The following CLCN7 variants were observed in gnomAD, a reference collection of about 807,000 sequenced individuals.
CLCN7 encodes the protein H(+)/Cl(-) exchange transporter 7.
Under a neutral mutation model 102.1 loss-of-function variants are expected in CLCN7, and 60 were observed. That is an observed-to-expected ratio of 0.59 (90% CI 0.48 to 0.73). The LOEUF (loss-of-function observed/expected upper bound fraction) is 0.73, where lower values mean the gene tolerates loss of function less well. Among genes scored for constraint, CLCN7 ranks in the 30% least tolerant of loss-of-function variants. The pLI, the probability that CLCN7 is intolerant of heterozygous loss-of-function variation, is 0.00. For synonymous variants in CLCN7, 560 were observed against 490.5 expected (o/e 1.14, Z -1.87); for missense variants, 962 against 1,125.7 (o/e 0.85, Z 2.08).
intron 14 of CLCN7, among the ~76,000 whole-genome samples, chr16:1,453,603 C>G (rs1158642090): frequency 6.6e-6 from 1 of 152,220 alleles, no homozygotes; most frequent in Non-Finnish European, 1.5e-5. Flanking sequence ...ACCCAGGGGC[C>G]GTCCTCCAGG....
chr16:1,461,654 G>A lies in CLCN7; in HGVS notation c.234C>T (p.Pro78=), dbSNP rs1251195705. The A allele has an allele frequency of 1.2e-6, 2 of 1,614,114 alleles. No individual in the cohort carries two copies. Among genetic ancestry groups the A allele is most frequent in the Non-Finnish European group, 1.7e-6 (2 of 1,180,010 alleles). The part of the protein sequence containing the change: ...LLDPDMDPPH[P]FPKEIPHNEK... ...CGTTGTGTGGGATCTCCTTGGGGAA[G>A]GGATGTGGAGGGTCCATATCCTGTG... The change falls in exon 3 of 25, where the codon CCC becomes CCT. Residue 78 remains proline (P), a synonymous_variant. Transcript: ENST00000382745.
chr16:1,454,297 C>T, intron 13 of CLCN7, 114 bp downstream of exon 13: 5 of 1,128,322 alleles, frequency 4.4e-6, no homozygotes, highest in Non-Finnish European at 6.6e-6. Context: ...CCGGGTGGCC[C>T]TGGGATGAGG....
chr16:1,447,269 G>A, intron 23 of CLCN7, 123 bp downstream of exon 23: 3 of 1,218,506 alleles, frequency 2.5e-6, no homozygotes, highest in East Asian at 5.1e-5. Context: ...CCCTTCACAG[G>A]AGACAGAGTC....
At chr16:1,469,391 T>TA (rs1460391243) in intron 1 of CLCN7, among the ~76,000 whole-genome samples, 2 of 151,704 alleles carry the variant, frequency 1.3e-5, no homozygotes, top group East Asian at 1.9e-4. Flanking sequence ...TCAGAATACA[T>TA]AAAAAAACTC....
intron 1 of CLCN7, among the ~76,000 whole-genome samples, chr16:1,467,445 A>G (rs1011192733): frequency 4.6e-5 from 7 of 152,172 alleles, no homozygotes; most frequent in Non-Finnish European, 7.4e-5. Flanking sequence ...GCCACGGTCC[A>G]GGCATGATGG....
At position 1,456,252 on chromosome 16, in the gene CLCN7, C is replaced by T. The variant is rs9926470; in HGVS notation, c.823-46G>A. ...GGTCGGGGCAGGTTCCTTGAGGGCA[C>T]GGCTCTCAGAAAGGGAGAGCAACTG... is the stretch of plus-strand genomic sequence containing the variant. On this transcript the variant is annotated intron_variant, in intron 9 of 24. Transcript: ENST00000382745. 1.2e-3 allele frequency: 1,751 copies of T among 1,424,812 alleles called. 21 individuals carry two copies. The African/African-American group carries it at 0.022, about 18-fold the overall frequency. The allele number at this position is 1,424,812 out of a possible 1,614,324, so 88.3% of individuals were successfully genotyped here. A position where few individuals can be genotyped will look rare whatever the true frequency, so the allele number is the denominator to read the frequency against.
chr16:1,447,642 G>T lies in CLCN7; in HGVS notation c.2073+13C>A. The T allele has an allele frequency of 6.4e-7, 1 of 1,553,914 alleles. No individual in the cohort carries two copies. Among genetic ancestry groups the T allele is most frequent in the Non-Finnish European group, 8.7e-7 (1 of 1,149,062 alleles). Reference sequence around the variant, plus strand: ...GCCCCCACCCGCCCAATGGCCCGGAGCCTGGCACGCACCTTGTGCTTTAGG... The same window carrying T: ...GCCCCCACCCGCCCAATGGCCCGGATCCTGGCACGCACCTTGTGCTTTAGG... On this transcript the variant is annotated intron_variant, in intron 22 of 24. Coordinates refer to ENST00000382745, the MANE Select transcript of CLCN7 (RefSeq NM_001287.6).
At position 1,457,701 on chromosome 16, in the gene CLCN7, A is replaced by G. The variant is rs749523800; in HGVS notation, c.731T>C (p.Val244Ala). 1.2e-6 allele frequency: 2 copies of G among 1,613,544 alleles called. No individual in the cohort carries two copies. Among genetic ancestry groups the G allele is most frequent in the East Asian group, 2.2e-5 (1 of 44,876 alleles). ...CCATGTGCACTTTGTTACCTTTCCC[A>G]CGGCCAGGCCCCCGACCACGGACAG... The part of the protein sequence containing the change: ...VILSVVGGLA[V>A]GKEGPMIHSG... The change falls in exon 8 of 25, where the codon GTG (valine) becomes GCG (alanine). Residue 244 changes from valine to alanine, a missense_variant. By Grantham distance (64) the Val-to-Ala change is moderately conservative. Coordinates refer to ENST00000382745, the MANE Select transcript of CLCN7 (RefSeq NM_001287.6). The surrounding 1 kb of genome is among the most constrained non-coding windows in gnomAD (Gnocchi z 5.4).
At chr16:1,474,157 A>C (rs187683246) in intron 1 of CLCN7, 7 of 456,120 alleles carry the variant, frequency 1.5e-5, no homozygotes, top group African/African-American at 1.2e-4. Context: ...CCAGACCTTA[A>C]CACTGCTCAG....
At chr16:1,455,834 C>G in intron 10 of CLCN7, 39 bp from the exon 11 acceptor site, 1 of 1,604,314 alleles carries the variant, frequency 6.2e-7, no homozygotes, top group Non-Finnish European at 8.5e-7. Flanking sequence ...CAGCTGGACA[C>G]AGGGCACCAT....
intron 17 of CLCN7, 141 bp downstream of exon 17, chr16:1,450,356 C>A: frequency 1.2e-6 from 1 of 867,966 alleles, no homozygotes; most frequent in Non-Finnish European, 1.8e-6. Context: ...CCGTGAACCA[C>A]GCGAGGACAA....
chr16:1,466,658 A>T (rs1415379878), intron 1 of CLCN7: 1 of 152,284 alleles, frequency 6.6e-6, no homozygotes, highest in Non-Finnish European at 1.5e-5. Context: ...TGCCTTCAGA[A>T]CCAGACCTTC....
At chr16:1,461,049 A>AG (rs1030457520) in intron 4 of CLCN7, 101 bp from the exon 5 acceptor site, 1 of 1,462,994 alleles carries the variant, frequency 6.8e-7, no homozygotes, top group African/African-American at 1.4e-5. Context: ...GGGATTATGA[A>AG]GGGCCCAGTG....
In CLCN7 at chr16:1,470,546, C is replaced by T. The variant is rs118035799; in HGVS notation, c.141+4288G>A. 4.3e-3 allele frequency among the ~76,000 whole-genome samples: 652 copies of T among 152,296 alleles called. 7 individuals are homozygous for T. Among genetic ancestry groups the T allele is most frequent in the Middle Eastern group, 6.8e-3 (2 of 294 alleles). On this transcript the variant is annotated intron_variant, in intron 1 of 24. Coordinates refer to ENST00000382745, the MANE Select transcript of CLCN7 (RefSeq NM_001287.6). ...GAGACCAAGGAGAGGCCTTTGCTGTCCATGCAGTGTCCCCATGGCGTTAAG... is the reference window on the plus strand; with the variant it reads ...GAGACCAAGGAGAGGCCTTTGCTGTTCATGCAGTGTCCCCATGGCGTTAAG...
chr16:1,457,717 C>T lies in CLCN7; in HGVS notation c.715G>A (p.Val239Ile), dbSNP rs759253716. 1.2e-6 allele frequency: 2 copies of T among 1,613,800 alleles called. No individual in the cohort carries two copies. Among genetic ancestry groups the T allele is most frequent in the Non-Finnish European group, 1.7e-6 (2 of 1,180,028 alleles). The change falls in exon 8 of 25, where the codon GTC becomes ATC. Residue 239 changes from valine (V) to isoleucine (I), a missense_variant. By Grantham distance (29) the Val-to-Ile change is conservative. Transcript: ENST00000382745. This position sits in a 1 kb window ranked among gnomAD's most constrained non-coding sequence, Gnocchi z 5.4. Reference sequence around the variant, plus strand: ...ACCTTTCCCACGGCCAGGCCCCCGACCACGGACAGGATCACACCGGACACT... The same window carrying T: ...ACCTTTCCCACGGCCAGGCCCCCGATCACGGACAGGATCACACCGGACACT... ...IKVSGVILSV[V>I]GGLAVGKEGP...
chr16:1,458,268 A>AG lies in CLCN7; in HGVS notation c.676-513dup, dbSNP rs1360106903. On this transcript the variant is annotated intron_variant, in intron 7 of 24. Transcript: ENST00000382745. ...AGGTGTTTATCAGCCTCCCTGCCCC[A>AG]GGGCAGAACCCACAAGGGCGCAGAC... Among the ~76,000 whole-genome samples the AG allele has an allele frequency of 3.3e-5, 5 of 152,236 alleles. No homozygotes were observed. The East Asian group carries it at 9.6e-4, about 29-fold the overall frequency.
intron 1 of CLCN7, among the ~76,000 whole-genome samples, chr16:1,471,345 G>T (rs531298489): frequency 3.9e-5 from 6 of 152,178 alleles, no homozygotes; most frequent in Non-Finnish European, 7.3e-5. Flanking sequence ...ATGTTCACTG[G>T]AACAGTCCCG....
At chr16:1,454,526 C>T in intron 12 of CLCN7, 61 bp from the exon 13 acceptor site, 1 of 1,498,452 alleles carries the variant, frequency 6.7e-7, no homozygotes, top group African/African-American at 1.4e-5. Context: ...CTCCTTTCTG[C>T]TGAAACTCAA....
intron 1 of CLCN7, among the ~76,000 whole-genome samples, chr16:1,472,866 G>A (rs1268882339): frequency 6.8e-6 from 1 of 146,554 alleles, no homozygotes; most frequent in Non-Finnish European, 1.5e-5. Flanking sequence ...GGGCTCATGC[G>A]ACTCCTCTGC....
Sources: gnomAD v4.1 joint callset for allele counts (sites outside exome capture counted in the v4.1 genomes callset) on GRCh38, gnomAD v4.1.1 for gene constraint, Gnocchi (gnomAD v3.1) non-coding constraint, MANE v1.5 for transcripts, NCBI Gene and HGNC (gene_info 2026-07-23, HGNC 2026-07-21) for gene names.